The following TOX3 variants were observed in gnomAD, a reference collection of about 807,000 sequenced individuals.
The protein encoded by TOX3 is CAG trinucleotide repeat-containing gene F9 protein.
In TOX3, 22 loss-of-function variants were observed where a neutral mutation model predicts 64.3. The observed-to-expected ratio is 0.34, with a 90% CI of 0.24 to 0.49. The LOEUF (loss-of-function observed/expected upper bound fraction) is 0.49. Among genes scored for constraint, TOX3 ranks in the 20% least tolerant of loss-of-function variants. TOX3 has a pLI of 0.99. For synonymous variants in TOX3, 291 were observed against 273.6 expected (o/e 1.06, Z -0.63); for missense variants, 661 against 714.4 (o/e 0.93, Z 0.85).
chr16:52,508,315 G>GT (rs1188620712), intron 1 of TOX3, among the ~76,000 whole-genome samples: 1 of 152,166 alleles, frequency 6.6e-6, no homozygotes, highest in Non-Finnish European at 1.5e-5. Flanking sequence ...CCTCTCCCAA[G>GT]TAAAGACATG....
intron 6 of TOX3, among the ~76,000 whole-genome samples, 178 bp from the exon 7 acceptor site, chr16:52,440,146 C>T (rs1024814346): frequency 6.6e-6 from 1 of 152,012 alleles, no homozygotes; most frequent in Non-Finnish European, 1.5e-5. Flanking sequence ...AGTCAAATCC[C>T]CTACCTCCTT....
intron 3 of TOX3, among the ~76,000 whole-genome samples, chr16:52,455,488 G>T (rs1222129312): frequency 6.6e-6 from 1 of 152,058 alleles, no homozygotes; most frequent in East Asian, 1.9e-4. Flanking sequence ...ATCTCCTTGG[G>T]GGAGGCAGGT....
chr16:52,494,315 C>A (rs192077987), intron 1 of TOX3, among the ~76,000 whole-genome samples: 289 of 152,292 alleles, frequency 1.9e-3, no homozygotes, highest in African/African-American at 6.6e-3. Flanking sequence ...GGCTTCTCCA[C>A]CTTCTCTATG....
intron 6 of TOX3, among the ~76,000 whole-genome samples, chr16:52,442,775 G>A (rs1017820498): frequency 1.3e-5 from 2 of 152,164 alleles, no homozygotes; most frequent in African/African-American, 4.8e-5. Flanking sequence ...CTCTCAAAGT[G>A]CATTTACTGA....
chr16:52,467,278 T>C (rs1960897286), intron 2 of TOX3, among the ~76,000 whole-genome samples: 2 of 152,126 alleles, frequency 1.3e-5, no homozygotes, highest in Non-Finnish European at 2.9e-5. Context: ...TCCTACAGAA[T>C]GAAACATCAT....
At position 52,546,995 on chromosome 16, in the gene TOX3, C is replaced by A. The variant is rs1323661159; in HGVS notation, c.-272G>T. ...GAGGCAGCGCTGCGCGCGGGCCGGG[C>A]GCCGGGGGCGCGGGGCGCGGCGCTG... On this transcript the variant is annotated 5_prime_UTR_variant, in exon 1 of 7. Transcript: ENST00000219746. 2.1e-6 allele frequency: 2 copies of A among 965,864 alleles called. No homozygotes were observed. Among genetic ancestry groups the A allele is most frequent in the Admixed American group, 6.5e-5 (1 of 15,448 alleles). The allele number at this position is 965,864 out of a possible 1,614,324, so 59.8% of individuals were successfully genotyped here. A position where few individuals can be genotyped will look rare whatever the true frequency, so the allele number is the denominator to read the frequency against.
intron 4 of TOX3, among the ~76,000 whole-genome samples, chr16:52,449,535 A>C (rs3095611): frequency 0.73 from 111,775 of 152,142 alleles, 41,984 homozygotes; most frequent in African/African-American, 0.88. Flanking sequence ...CTAATCACAT[A>C]TGGAGCTAGT....
At chr16:52,529,365 T>C (rs972172101) in intron 1 of TOX3, among the ~76,000 whole-genome samples, 6 of 152,210 alleles carry the variant, frequency 3.9e-5, no homozygotes, top group Admixed American at 2.6e-4. Context: ...CTTTATTTTT[T>C]TTTAAATGTG....
Position 52,438,643 on chromosome 16 carries a change from AT to A in TOX3, c.*581del, listed in dbSNP as rs922489810. On this transcript the variant is annotated 3_prime_UTR_variant, in exon 7 of 7. Transcript: ENST00000219746. ...TCAATAATTGAATTTAGTCACTTGCATTTTTTTTCTGGAGAGATTTAGGAAA... is the reference window on the plus strand; with the variant it reads ...TCAATAATTGAATTTAGTCACTTGCATTTTTTTCTGGAGAGATTTAGGAAA... 17 of 183,988 alleles carry A rather than the reference AT, an allele frequency of 9.2e-5. No homozygotes were observed. The highest frequency in any genetic ancestry group is 6.3e-4 in the Admixed American group (11 of 17,366). 11.4% of individuals were successfully genotyped at this position (183,988 alleles called of 1,614,324 possible). A position where few individuals can be genotyped will look rare whatever the true frequency, so the allele number is the denominator to read the frequency against.
At chr16:52,462,993 A>G (rs1308695008) in intron 3 of TOX3, among the ~76,000 whole-genome samples, 1 of 152,192 alleles carries the variant, frequency 6.6e-6, no homozygotes, top group Non-Finnish European at 1.5e-5. Flanking sequence ...AATCCACTAC[A>G]TATTTTGCAA....
intron 5 of TOX3, chr16:52,445,136 A>G (rs1298147219): frequency 6.6e-6 from 1 of 152,234 alleles, no homozygotes; most frequent in Non-Finnish European, 1.5e-5. Flanking sequence ...TAATAAACTC[A>G]GTGCAAACTA....
chr16:52,498,617 C>T (rs1415377090), intron 1 of TOX3, among the ~76,000 whole-genome samples: 1 of 152,036 alleles, frequency 6.6e-6, no homozygotes, highest in African/African-American at 2.4e-5. Context: ...TTTCTAACAA[C>T]GTAGTCAAAA....
intron 1 of TOX3, among the ~76,000 whole-genome samples, chr16:52,490,881 A>C (rs1596821383): frequency 6.6e-6 from 1 of 151,954 alleles, no homozygotes; most frequent in South Asian, 2.1e-4. Context: ...CACCCACCTC[A>C]GCCTCCCAAA....
At chr16:52,440,234 G>A (rs568489700) in intron 6 of TOX3, among the ~76,000 whole-genome samples, 35 of 152,208 alleles carry the variant, frequency 2.3e-4, no homozygotes, top group South Asian at 4.1e-4. Context: ...TCCAAGACGA[G>A]GCTTCAAGCC....
Position 52,546,967 on chromosome 16 carries a change from A to G in TOX3, c.-244T>C, listed in dbSNP as rs1358864042. The G allele has an allele frequency of 1.6e-5, 16 of 976,078 alleles. No individual in the cohort carries two copies. In the South Asian group the frequency reaches 5.5e-4, roughly 34 times the overall value. 60.5% of individuals were successfully genotyped at this position (976,078 alleles called of 1,614,324 possible). ...CCGGGGGGACGCGCCCCGCCGGGGC[A>G]CCGAGGCAGCGCTGCGCGCGGGCCG... On this transcript the variant is annotated 5_prime_UTR_variant, in exon 1 of 7. Transcript: ENST00000219746.
intron 5 of TOX3, chr16:52,445,126 T>A (rs76836521): frequency 6.6e-6 from 1 of 152,176 alleles, no homozygotes; most frequent in Admixed American, 6.5e-5. Context: ...CTATCTACAG[T>A]AATAAACTCA....
At chr16:52,503,772 T>C (rs907858086) in intron 1 of TOX3, among the ~76,000 whole-genome samples, 2 of 152,222 alleles carry the variant, frequency 1.3e-5, no homozygotes, top group Admixed American at 1.3e-4. Context: ...AACCAAAGAA[T>C]GTGTTTATGG....
At chr16:52,453,347 CTAATTTTTG>C (rs952786717) in intron 3 of TOX3, among the ~76,000 whole-genome samples, 17 of 151,972 alleles carry the variant, frequency 1.1e-4, no homozygotes, top group African/African-American at 4.1e-4. Flanking sequence ...CCATACCCAG[CTAATTTTTG>C]TATTTTTAGT....
chr16:52,462,841 CA>C (rs1019960310), intron 3 of TOX3, among the ~76,000 whole-genome samples: 192 of 134,968 alleles, frequency 1.4e-3, no homozygotes, highest in Non-Finnish European at 1.1e-3. Context: ...CTTTTCTGAC[CA>C]AAAAAAAAAA....
Sources: gnomAD v4.1 joint callset for allele counts (sites outside exome capture counted in the v4.1 genomes callset) on GRCh38, gnomAD v4.1.1 for gene constraint, MANE v1.5 for transcripts, NCBI Gene and HGNC (gene_info 2026-07-23, HGNC 2026-07-21) for gene names.